Variants in LRRC9 observed in about 807,000 individuals in gnomAD.
The protein encoded by LRRC9 is leucine rich repeat containing 9.
Under a neutral mutation model 63.2 loss-of-function variants are expected in LRRC9, and 122 were observed. The ratio of observed to expected loss-of-function variants is 1.93; its 90% CI spans 1.67 to 2.24. The LOEUF is 2.24. Among genes scored for constraint, LRRC9 ranks in the 30% most tolerant of loss-of-function variants. The pLI is 0.00. For missense variants in LRRC9, 1,071 were observed against 627.7 expected (o/e 1.71, Z -7.55); for synonymous variants, 366 against 213.1 (o/e 1.72, Z -6.25).
intron 10 of LRRC9, among the ~76,000 whole-genome samples, chr14:59,965,882 CAAAAAAAAAAAAAAAAAAAAAAAAAA>C (rs71111678): frequency 6.8e-5 from 2 of 29,236 alleles, no homozygotes; most frequent in Non-Finnish European, 1.1e-4. Context: ...GACTCCGCCT[CAAAAAAAAAAAAAAAAAAAAAAAAAA>C]AAAAAAAAAA....
At chr14:59,929,843 C>G (rs1315050556) in intron 3 of LRRC9, among the ~76,000 whole-genome samples, 1 of 152,000 alleles carries the variant, frequency 6.6e-6, no homozygotes, top group Non-Finnish European at 1.5e-5. Flanking sequence ...CAAATACCAC[C>G]TGTTCTCATT....
downstream of LRRC9, among the ~76,000 whole-genome samples, chr14:60,066,201 A>C (rs1263784053): frequency 6.6e-6 from 1 of 151,794 alleles, no homozygotes; most frequent in Non-Finnish European, 1.5e-5. Flanking sequence ...TTTGCCTAGA[A>C]TATCTAGTGT....
chr14:59,924,875 T>C (rs1326672622), intron 1 of LRRC9, among the ~76,000 whole-genome samples: 10 of 151,870 alleles, frequency 6.6e-5, no homozygotes, highest in Non-Finnish European at 5.9e-5. Context: ...ATACCAAGTA[T>C]ACTCTCACTG....
chr14:59,925,052 C>T (rs1889096159), intron 1 of LRRC9, among the ~76,000 whole-genome samples: 1 of 151,994 alleles, frequency 6.6e-6, no homozygotes, highest in South Asian at 2.1e-4. Context: ...TTTTTCCTCC[C>T]ACCGCTGTCA....
intron 8 of LRRC9, among the ~76,000 whole-genome samples, chr14:59,957,407 C>T (rs1594870786): frequency 6.6e-6 from 1 of 151,932 alleles, no homozygotes. Flanking sequence ...CTTTATTCTG[C>T]TTGATAGATT....
At chr14:59,974,958 T>C (rs2140053183) in intron 13 of LRRC9, among the ~76,000 whole-genome samples, 1 of 149,608 alleles carries the variant, frequency 6.7e-6, no homozygotes, top group East Asian at 2.0e-4. Context: ...GATATTTAAT[T>C]CAACTTTTCA....
downstream of LRRC9, among the ~76,000 whole-genome samples, chr14:60,063,854 A>G (rs1894802410): frequency 6.6e-6 from 1 of 152,228 alleles, no homozygotes; most frequent in African/African-American, 2.4e-5. Context: ...CTATTACTAA[A>G]GCAAGATGAG....
At chr14:60,026,535 T>C (rs1162581877) in intron 27 of LRRC9, among the ~76,000 whole-genome samples, 1 of 152,130 alleles carries the variant, frequency 6.6e-6, no homozygotes, top group African/African-American at 2.4e-5. Context: ...ATCTCTTCAC[T>C]TCGTTGATTG....
At chr14:59,928,812 C>T (rs1181132969) in intron 3 of LRRC9, among the ~76,000 whole-genome samples, 1 of 152,002 alleles carries the variant, frequency 6.6e-6, no homozygotes, top group Non-Finnish European at 1.5e-5. Context: ...ATGACAAAAA[C>T]GAGCAATGGG....
chr14:59,971,128 G>C (rs1380343285), intron 12 of LRRC9, among the ~76,000 whole-genome samples: 1 of 152,132 alleles, frequency 6.6e-6, no homozygotes, highest in Non-Finnish European at 1.5e-5. Context: ...AAGGGGCCCA[G>C]TTTCAATCTT....
At chr14:60,057,674 A>C in intron 30 of LRRC9, 2 of 367,444 alleles carry the variant, frequency 5.4e-6, no homozygotes, top group East Asian at 3.9e-5. Context: ...AAAAAAGAAC[A>C]CAAGGTTCTG....
At chr14:60,033,164 T>C (rs556701977) in intron 29 of LRRC9, among the ~76,000 whole-genome samples, 6 of 152,298 alleles carry the variant, frequency 3.9e-5, no homozygotes, top group African/African-American at 1.4e-4. Context: ...CTGATTTTTG[T>C]ATATTGCTTT....
chr14:59,992,940 T>C lies in LRRC9; in HGVS notation c.2212-4716T>C, dbSNP rs1197611227. Among the ~76,000 whole-genome samples, 3 of 152,174 alleles carry C rather than the reference T, an allele frequency of 2.0e-5. No homozygotes were observed. In the East Asian group the frequency reaches 5.8e-4, roughly 29 times the overall value. On this transcript the variant is annotated intron_variant, in intron 17 of 31. Transcript: ENST00000445360. ...TAGCAAGGTAGGCCAACATTCAAAT[T>C]CAGGAAATACAGAGAACGCCACAAA...
At position 59,962,180 on chromosome 14, in the gene LRRC9, C is replaced by G. The variant is rs1884416844; in HGVS notation, c.1211+1135C>G. 1.3e-5 allele frequency among the ~76,000 whole-genome samples: 2 copies of G among 152,076 alleles called. No individual in the cohort carries two copies. The highest frequency in any genetic ancestry group is 2.9e-5 in the Non-Finnish European group (2 of 68,008). ...ATGGAAAAGTGTAAGAAGCTCTTCG[C>G]AAGGGAAAAAGAGGCCTTTGAAAAT... is the stretch of plus-strand genomic sequence containing the variant. On this transcript the variant is annotated intron_variant, in intron 10 of 31. Transcript: ENST00000445360. This position sits in a 1 kb window ranked among gnomAD's most constrained non-coding sequence, Gnocchi z 5.1.
chr14:60,010,279 G>C (rs149543374), intron 23 of LRRC9, among the ~76,000 whole-genome samples: 9 of 152,286 alleles, frequency 5.9e-5, no homozygotes, highest in African/African-American at 2.2e-4. Flanking sequence ...CTCAATTCTT[G>C]ACTTCTGTGT....
At position 59,956,953 on chromosome 14, in the gene LRRC9, G is replaced by C. The variant is rs192516106; in HGVS notation, c.883-2865G>C. ...CTTTTCTTTAAGAATGTTGAATATT[G>C]GCCCTCACTCTCTTCTGGCTTGTAG... On this transcript the variant is annotated intron_variant, in intron 8 of 31. Coordinates refer to ENST00000445360, the Ensembl canonical transcript of LRRC9. Among the ~76,000 whole-genome samples, 31 of 152,214 alleles carry C rather than the reference G, an allele frequency of 2.0e-4. No individual in the cohort carries two copies. In the East Asian group the frequency reaches 5.8e-3, roughly 28 times the overall value.
At chr14:59,979,715 G>C (rs1055552026) in intron 15 of LRRC9, among the ~76,000 whole-genome samples, 3 of 150,544 alleles carry the variant, frequency 2.0e-5, no homozygotes, top group Admixed American at 6.7e-5. Context: ...ACTATCGCAA[G>C]GACAAAAAAC....
chr14:59,993,505 GAC>G (rs1321390096), intron 17 of LRRC9, among the ~76,000 whole-genome samples: 1 of 152,110 alleles, frequency 6.6e-6, no homozygotes, highest in African/African-American at 2.4e-5. Context: ...CCAATTAAAA[GAC>G]ACAGACTGGC....
intron 6 of LRRC9, among the ~76,000 whole-genome samples, chr14:59,934,118 T>A (rs867727538): frequency 6.6e-6 from 1 of 150,936 alleles, no homozygotes; most frequent in East Asian, 1.9e-4. Flanking sequence ...TATGAGACTA[T>A]GAATTGGAGT....
Sources: allele counts gnomAD v4.1 joint callset (sites outside exome capture counted in the v4.1 genomes callset), GRCh38; gene constraint gnomAD v4.1.1; non-coding constraint Gnocchi (gnomAD v3.1); transcripts MANE v1.5; gene names NCBI Gene and HGNC (gene_info 2026-07-23, HGNC 2026-07-21).